Variants in ARHGAP10 observed in about 807,000 individuals in gnomAD.
The protein encoded by ARHGAP10 is rho GTPase-activating protein 10.
A neutral mutation model predicts 108.6 loss-of-function variants in ARHGAP10; 87 were observed. The ratio of observed to expected loss-of-function variants is 0.80; its 90% CI spans 0.67 to 0.96. The LOEUF is 0.96. Among genes scored for constraint, ARHGAP10 ranks in the 40% least tolerant of loss-of-function variants. The probability of loss-of-function intolerance (pLI) is 0.00; values close to 1 mark genes in which losing one functional copy is unlikely to be tolerated. For synonymous variants in ARHGAP10, 347 were observed against 341.1 expected, an observed-to-expected ratio of 1.02 and a Z score of -0.19; for missense variants, 939 against 954.5, an observed-to-expected ratio of 0.98 and a Z score of 0.21.
intron 5 of ARHGAP10, among the ~76,000 whole-genome samples, chr4:147,858,853 A>G (rs190848785): frequency 6.6e-6 from 1 of 152,202 alleles, no homozygotes; most frequent in Non-Finnish European, 1.5e-5. Flanking sequence ...CTTTCTCATT[A>G]GGTATTTCAT....
At chr4:147,768,841 C>T (rs1159119489) in intron 1 of ARHGAP10, among the ~76,000 whole-genome samples, 4 of 151,030 alleles carry the variant, frequency 2.6e-5, no homozygotes, top group Admixed American at 6.6e-5. Flanking sequence ...TGGGTTCAAG[C>T]GATTCTTCTT....
chr4:147,889,695 A>AT (rs777865013), intron 10 of ARHGAP10, among the ~76,000 whole-genome samples: 254 of 149,962 alleles, frequency 1.7e-3, no homozygotes, highest in African/African-American at 5.1e-3. Flanking sequence ...TGTTTTTGCT[A>AT]TTTTTTTTTT....
chr4:147,735,319 G>A (rs1313273033), intron 1 of ARHGAP10, among the ~76,000 whole-genome samples: 1 of 152,208 alleles, frequency 6.6e-6, no homozygotes, highest in Non-Finnish European at 1.5e-5. Flanking sequence ...ACATACCTGT[G>A]ACAAGGTTAA....
intron 1 of ARHGAP10, among the ~76,000 whole-genome samples, chr4:147,820,921 T>A (rs1732469039): frequency 6.6e-6 from 1 of 152,124 alleles, no homozygotes; most frequent in African/African-American, 2.4e-5. Context: ...CCAAATTTTA[T>A]TAATTTTTCT....
chr4:147,947,860 G>A (rs1396522112), intron 15 of ARHGAP10, among the ~76,000 whole-genome samples: 1 of 151,690 alleles, frequency 6.6e-6, no homozygotes, highest in African/African-American at 2.4e-5. Context: ...TTAGTGTAAT[G>A]AACCCTCATG....
At chr4:147,971,093 CA>C (rs59721708) in intron 18 of ARHGAP10, among the ~76,000 whole-genome samples, 13,910 of 74,308 alleles carry the variant, frequency 0.19, 600 homozygotes, top group African/African-American at 0.34. Context: ...GACTCTGTCT[CA>C]AAAAAAAAAA....
At chr4:147,914,541 A>C (rs1736880747) in intron 13 of ARHGAP10, among the ~76,000 whole-genome samples, 1 of 139,288 alleles carries the variant, frequency 7.2e-6, no homozygotes, top group African/African-American at 2.8e-5. Flanking sequence ...TTTTTTAATT[A>C]CGCATGTTCT....
chr4:148,045,487 A>G (rs1728834011), intron 19 of ARHGAP10, among the ~76,000 whole-genome samples: 1 of 152,090 alleles, frequency 6.6e-6, no homozygotes, highest in Non-Finnish European at 1.5e-5. Flanking sequence ...CACGCCTGTA[A>G]TCCCAGCAAT....
At chr4:147,936,262 A>G (rs913264275) in intron 13 of ARHGAP10, among the ~76,000 whole-genome samples, 5 of 150,766 alleles carry the variant, frequency 3.3e-5, no homozygotes, top group Non-Finnish European at 7.4e-5. Flanking sequence ...TTTCTTAGCA[A>G]CTTTCTTTTC....
intron 1 of ARHGAP10, among the ~76,000 whole-genome samples, chr4:147,806,808 C>A (rs1002217155): frequency 3.9e-5 from 6 of 151,996 alleles, no homozygotes; most frequent in Admixed American, 1.3e-4. Flanking sequence ...CTTAAGTGAT[C>A]CTCCTGCCTC....
intron 1 of ARHGAP10, among the ~76,000 whole-genome samples, chr4:147,796,576 A>G (rs1234276188): frequency 1.3e-5 from 2 of 151,952 alleles, no homozygotes; most frequent in Admixed American, 6.6e-5. Context: ...CATGGCTGGA[A>G]TGCAGTGGTG....
At chr4:147,766,639 T>TAC (rs1366475163) in intron 1 of ARHGAP10, among the ~76,000 whole-genome samples, 18 of 132,546 alleles carry the variant, frequency 1.4e-4, no homozygotes, top group South Asian at 2.9e-4. Context: ...TATACGTATA[T>TAC]ACACACCCAC....
intron 3 of ARHGAP10, among the ~76,000 whole-genome samples, chr4:147,834,832 G>C (rs929270119): frequency 5.5e-5 from 8 of 146,280 alleles, no homozygotes; most frequent in South Asian, 2.2e-4. Context: ...CTGCATCACT[G>C]TCTGATGGCC....
intron 1 of ARHGAP10, among the ~76,000 whole-genome samples, chr4:147,796,277 C>A (rs545581458): frequency 4.0e-4 from 61 of 152,186 alleles, no homozygotes; most frequent in African/African-American, 1.4e-3. Context: ...TTAATCCTTG[C>A]CCTTGGGGAA....
intron 1 of ARHGAP10, among the ~76,000 whole-genome samples, chr4:147,747,253 TC>T (rs985832003): frequency 6.6e-6 from 1 of 152,148 alleles, no homozygotes; most frequent in African/African-American, 2.4e-5. Flanking sequence ...ATAAAATGCC[TC>T]TGGCAGCACC....
chr4:147,875,072 A>C lies in ARHGAP10; in HGVS notation c.754A>C (p.Lys252Gln), dbSNP rs1477001296. 1 of 1,610,312 alleles carries C rather than the reference A, an allele frequency of 6.2e-7. No individual in the cohort carries two copies. The highest frequency in any genetic ancestry group is 1.1e-5 in the South Asian group (1 of 89,952). The change falls in exon 8 of 23, where the codon AAA becomes CAA. Residue 252 changes from lysine to glutamine, a missense_variant. By Grantham distance (53) the Lys-to-Gln change is moderately conservative. Coordinates refer to ENST00000336498, the MANE Select transcript of ARHGAP10 (RefSeq NM_024605.4). The part of the protein sequence containing the change: ...TRSEVEELMN[K>Q]IRQNPKDHKR... ...GTCAGAAGTGGAAGAGCTCATGAAC[A>C]AAATCAGACAGAATCCCAAGGACCA... is the stretch of plus-strand genomic sequence containing the variant.
intron 18 of ARHGAP10, among the ~76,000 whole-genome samples, chr4:148,017,668 ATATATATATAT>A (rs1348639386): frequency 7.8e-6 from 1 of 127,902 alleles, no homozygotes; most frequent in African/African-American, 3.7e-5. Context: ...ATATATATAT[ATATATATATAT>A]ATATGTGTGT....
chr4:147,788,008 T>C (rs1730962579), intron 1 of ARHGAP10, among the ~76,000 whole-genome samples: 1 of 152,144 alleles, frequency 6.6e-6, no homozygotes, highest in African/African-American at 2.4e-5. Context: ...GTGAGAAAAC[T>C]TCGTGAGAAT....
chr4:147,983,312 A>G (rs1454259146), intron 18 of ARHGAP10, among the ~76,000 whole-genome samples: 4 of 151,030 alleles, frequency 2.6e-5, no homozygotes, highest in African/African-American at 9.7e-5. Context: ...CAGCCTCCCG[A>G]GTAGCTGGGA....
Sources: gnomAD v4.1 joint callset for allele counts (sites outside exome capture counted in the v4.1 genomes callset) on GRCh38, gnomAD v4.1.1 for gene constraint, MANE v1.5 for transcripts, NCBI Gene and HGNC (gene_info 2026-07-23, HGNC 2026-07-21) for gene names.